Variants in RANBP17 observed in about 807,000 individuals in gnomAD.
RANBP17 encodes the protein RAN binding protein 17, also known as ran-binding protein 17.
A neutral mutation model predicts 141.2 loss-of-function variants in RANBP17; 158 were observed. The observed-to-expected ratio is 1.12, with a 90% CI of 0.98 to 1.28. The LOEUF (loss-of-function observed/expected upper bound fraction) is 1.28. Ranked by LOEUF, RANBP17 falls within the 50% of genes most tolerant of loss-of-function variation. RANBP17 has a pLI of 0.00. For synonymous variants in RANBP17, 430 were observed against 450.0 expected, an observed-to-expected ratio of 0.96 and a Z score of 0.56; for missense variants, 1,438 against 1,290.7, an observed-to-expected ratio of 1.11 and a Z score of -1.75.
At chr5:171,122,640 C>T (rs1756121247) in intron 14 of RANBP17, among the ~76,000 whole-genome samples, 1 of 152,200 alleles carries the variant, frequency 6.6e-6, no homozygotes, top group Admixed American at 6.5e-5. Context: ...AGTCCATGTT[C>T]CCACTGCAGA....
intron 16 of RANBP17, among the ~76,000 whole-genome samples, chr5:171,172,810 G>A (rs1760192607): frequency 6.6e-6 from 1 of 151,526 alleles, no homozygotes; most frequent in East Asian, 1.9e-4. Context: ...ATTTGTATCT[G>A]CTATTTAAGA....
At chr5:171,188,524 T>G (rs1370056400) in intron 18 of RANBP17, among the ~76,000 whole-genome samples, 2 of 152,220 alleles carry the variant, frequency 1.3e-5, no homozygotes, top group African/African-American at 4.8e-5. Flanking sequence ...AAAGAGACCT[T>G]GAAACATTTG....
At chr5:171,088,230 G>A (rs1335454401) in intron 14 of RANBP17, among the ~76,000 whole-genome samples, 1 of 151,884 alleles carries the variant, frequency 6.6e-6, no homozygotes, top group African/African-American at 2.4e-5. Flanking sequence ...ATGAAGCTTA[G>A]TTTGGCTGGA....
chr5:170,948,334 C>G (rs779552759), intron 12 of RANBP17, among the ~76,000 whole-genome samples: 2 of 152,002 alleles, frequency 1.3e-5, no homozygotes, highest in Non-Finnish European at 2.9e-5. Context: ...GAAAAAATGG[C>G]AGATTCCCAA....
At chr5:171,178,388 A>G (rs557951547) in intron 16 of RANBP17, among the ~76,000 whole-genome samples, 14 of 152,136 alleles carry the variant, frequency 9.2e-5, no homozygotes, top group African/African-American at 3.1e-4. Context: ...TCCATGGTGT[A>G]TATGTGCACA....
rs1482462859 is a variant in RANBP17, at chr5:170,878,129, T to A, written c.51T>A (p.His17Gln). Residue 17 changes from histidine (H) to glutamine (Q), a missense_variant, in exon 2 of 28, where the codon CAT (histidine) becomes CAA (glutamine). His to Gln is a conservative substitution (Grantham distance 24). Transcript: ENST00000523189. ...SLAELEVLCT[H>Q]LYIGTDLTQR... ...CTGAATTGGAAGTGTTATGTACTCA[T>A]CTCTACATAGGGACTGATCTTACAC... The A allele has an allele frequency of 1.2e-6, 2 of 1,609,524 alleles. No individual in the cohort carries two copies. Among genetic ancestry groups the A allele is most frequent in the African/African-American group, 2.7e-5 (2 of 74,858 alleles).
chr5:171,163,811 G>A lies in RANBP17; in HGVS notation c.1711-6319G>A, dbSNP rs186546822. Among the ~76,000 whole-genome samples, 6 of 152,194 alleles carry A rather than the reference G, an allele frequency of 3.9e-5. 1 individual carries two copies. The South Asian group carries it at 1.2e-3, about 32-fold the overall frequency. On this transcript the variant is annotated intron_variant, in intron 14 of 27. Coordinates refer to ENST00000523189, the MANE Select transcript of RANBP17 (RefSeq NM_022897.5). ...CTGATATGTTTTTGAGAATAAATTG[G>A]TTCAGAGAAGGTTTGTCATCCAATG...
intron 22 of RANBP17, among the ~76,000 whole-genome samples, chr5:171,224,930 G>C (rs936932063): frequency 2.0e-5 from 3 of 152,302 alleles, no homozygotes; most frequent in African/African-American, 7.2e-5. Context: ...CCTTGGTTAA[G>C]TTGTAAGCCT....
At chr5:170,869,554 G>A (rs1273330351) in intron 1 of RANBP17, among the ~76,000 whole-genome samples, 2 of 152,050 alleles carry the variant, frequency 1.3e-5, no homozygotes, top group Non-Finnish European at 2.9e-5. Flanking sequence ...CATGCCTTTC[G>A]CCCAGCTGCT....
At chr5:170,988,039 G>A (rs964382260) in intron 14 of RANBP17, among the ~76,000 whole-genome samples, 1 of 151,396 alleles carries the variant, frequency 6.6e-6, no homozygotes, top group African/African-American at 2.4e-5. Flanking sequence ...CTTGTGCTAT[G>A]CTAGATCCTG....
chr5:170,867,911 T>C (rs924940360), intron 1 of RANBP17, among the ~76,000 whole-genome samples: 11 of 152,114 alleles, frequency 7.2e-5, no homozygotes, highest in South Asian at 2.1e-4. Flanking sequence ...TCTCTGTTTT[T>C]CCCCCACTCC....
rs1352461364 is a variant in RANBP17 at position 170,924,506 on chromosome 5, T to A, written c.1424T>A (p.Leu475Gln). The A allele has an allele frequency of 1.2e-6, 2 of 1,611,854 alleles. No homozygotes were observed. The highest frequency in any genetic ancestry group is 2.7e-5 in the African/African-American group (2 of 74,908). Residue 475 changes from leucine to glutamine, a missense_variant, in exon 12 of 28, where the codon CTG becomes CAG. Physicochemically the swap from Leu to Gln is moderately radical, Grantham distance 113. Coordinates refer to ENST00000523189, the MANE Select transcript of RANBP17 (RefSeq NM_022897.5). ...DQNAQNYQKL[L>Q]HPYSGVTVDI... is the part of the protein sequence containing the mutation. ...AATGCACAGAATTACCAAAAACTTC[T>A]GCATCCATATTCTGGTGTAACTGTG...
chr5:170,903,811 C>T, intron 5 of RANBP17: 4 of 415,902 alleles, frequency 9.6e-6, no homozygotes, highest in South Asian at 8.6e-5. Context: ...CCCTTTGTTG[C>T]AGTCAACAAC....
In RANBP17 at chr5:171,120,405, G is replaced by C. The variant is rs146856185; in HGVS notation, c.1711-49725G>C. Reference sequence around the variant, plus strand: ...AGTTTACCTGCTATTCTATTCTACTGTGGCTAAGCTGGCACTCAAGTCATG... The same window carrying C: ...AGTTTACCTGCTATTCTATTCTACTCTGGCTAAGCTGGCACTCAAGTCATG... On this transcript the variant is annotated intron_variant, in intron 14 of 27. Transcript: ENST00000523189. Among the ~76,000 whole-genome samples, 958 of 152,310 alleles carry C rather than the reference G, an allele frequency of 6.3e-3. 14 individuals carry two copies. Among genetic ancestry groups the C allele is most frequent in the African/African-American group, 0.022 (926 of 41,574 alleles).
intron 5 of RANBP17, among the ~76,000 whole-genome samples, chr5:170,896,528 A>G (rs1019259660): frequency 2.0e-5 from 3 of 149,236 alleles, no homozygotes; most frequent in African/African-American, 7.7e-5. Flanking sequence ...CAGGACTCAT[A>G]AAAAAACAGG....
rs371300194 is a variant in RANBP17 at position 171,210,961 on chromosome 5, C to T, written c.2232-2670C>T. ...CAGAAGTTGCAATGAGCCAAGATTG[C>T]GCCACTGCACCCCAGCCTGGCAACA... is the stretch of plus-strand genomic sequence containing the variant. On this transcript the variant is annotated intron_variant, in intron 20 of 27. Transcript: ENST00000523189. 1.2e-3 allele frequency among the ~76,000 whole-genome samples: 180 copies of T among 148,356 alleles called. 8 individuals carry two copies. In the South Asian group the frequency reaches 0.036, roughly 30 times the overall value.
At chr5:171,100,464 T>C (rs1787068093) in intron 14 of RANBP17, among the ~76,000 whole-genome samples, 1 of 152,198 alleles carries the variant, frequency 6.6e-6, no homozygotes, top group Admixed American at 6.5e-5. Flanking sequence ...TATCATTTTT[T>C]ATTGTGTCTA....
intron 25 of RANBP17, among the ~76,000 whole-genome samples, chr5:171,289,687 G>T (rs1768371448): frequency 6.6e-6 from 1 of 152,126 alleles, no homozygotes; most frequent in South Asian, 2.1e-4. Context: ...AGTGAGCCAT[G>T]ATCACACCAC....
intron 14 of RANBP17, among the ~76,000 whole-genome samples, chr5:171,086,799 C>T (rs1400259191): frequency 1.8e-3 from 265 of 147,294 alleles, no homozygotes; most frequent in South Asian, 0.012. Flanking sequence ...TCTGTGGGAT[C>T]GGTGGTGATA....
Sources: gnomAD v4.1 joint callset for allele counts (sites outside exome capture counted in the v4.1 genomes callset) on GRCh38, gnomAD v4.1.1 for gene constraint, MANE v1.5 for transcripts, NCBI Gene and HGNC (gene_info 2026-07-23, HGNC 2026-07-21) for gene names.